Variants in PARD3B observed in about 807,000 individuals in gnomAD.
PARD3B encodes the protein partitioning defective 3 homolog B.
PARD3B carries 103 observed loss-of-function variants against 130.2 expected under a neutral mutation model. The observed-to-expected ratio is 0.79, with a 90% confidence interval of 0.67 to 0.93. PARD3B has a LOEUF of 0.93. Ranked by LOEUF, PARD3B falls within the 40% of genes least tolerant of loss-of-function variation. The probability of loss-of-function intolerance (pLI) is 0.00; values close to 1 mark genes in which losing one functional copy is unlikely to be tolerated. For synonymous variants in PARD3B, 583 were observed against 553.2 expected, an observed-to-expected ratio of 1.05 and a Z score of -0.76; for missense variants, 1,609 against 1,499.2, an observed-to-expected ratio of 1.07 and a Z score of -1.21.
In PARD3B at chr2:204,649,663, G is replaced by GA. The variant is rs545213640; in HGVS notation, c.121-36512dup. On this transcript the variant is annotated intron_variant, in intron 1 of 22. Coordinates refer to ENST00000406610, the MANE Select transcript of PARD3B (RefSeq NM_001302769.2). ...AAAGCTGACAAAAACAAGCAATGGG[G>GA]AAAAAACTCCCTATTCAATAAATGC... Among the ~76,000 whole-genome samples the GA allele has an allele frequency of 8.5e-5, 13 of 152,124 alleles. No individual in the cohort carries two copies. In the South Asian group the frequency reaches 2.1e-3, roughly 24 times the overall value.
At chr2:205,374,026 G>A (rs898184556) in intron 18 of PARD3B, among the ~76,000 whole-genome samples, 1 of 152,056 alleles carries the variant, frequency 6.6e-6, no homozygotes, top group Admixed American at 6.6e-5. Flanking sequence ...ACTGTCAGTA[G>A]CGATCATGAG....
At chr2:205,555,773 G>A (rs2052854802) in intron 22 of PARD3B, among the ~76,000 whole-genome samples, 1 of 152,232 alleles carries the variant, frequency 6.6e-6, no homozygotes, top group African/African-American at 2.4e-5. Flanking sequence ...AGCCATGGTG[G>A]AGAATAAATA....
At chr2:204,936,851 C>A (rs1187877707) in intron 2 of PARD3B, among the ~76,000 whole-genome samples, 1 of 152,170 alleles carries the variant, frequency 6.6e-6, no homozygotes, top group African/African-American at 2.4e-5. Flanking sequence ...GAAACCGATG[C>A]AGCAACTGGT....
chr2:205,541,066 T>TAC (rs2052104096), intron 21 of PARD3B, among the ~76,000 whole-genome samples: 1 of 150,070 alleles, frequency 6.7e-6, no homozygotes, highest in South Asian at 2.1e-4. Context: ...ATGCTATATA[T>TAC]ACATGTAATC....
chr2:205,341,201 T>G lies in PARD3B; in HGVS notation c.2630+39500T>G, dbSNP rs1243957405. ...CAGTATAGTGGTTTAAAATCTATAT[T>G]AAAATTAGGACTGCCATGCAATCCA... On this transcript the variant is annotated intron_variant, in intron 18 of 22. Transcript: ENST00000406610. This position sits in a 1 kb window ranked among gnomAD's most constrained non-coding sequence, Gnocchi z 4.3. Among the ~76,000 whole-genome samples the G allele has an allele frequency of 2.6e-5, 4 of 152,120 alleles. No individual in the cohort carries two copies. Among genetic ancestry groups the G allele is most frequent in the Admixed American group, 2.6e-4 (4 of 15,270 alleles).
rs1447535031 is a variant in PARD3B at position 204,773,824 on chromosome 2, G to A, written c.222+87542G>A. On this transcript the variant is annotated intron_variant, in intron 2 of 22. Transcript: ENST00000406610. ...TTCCACGTACCCCGCTCTCATCCCA[G>A]TTAGAATGACCCTTTAGAATGTATA... Among the ~76,000 whole-genome samples, 3 of 151,948 alleles carry A rather than the reference G, an allele frequency of 2.0e-5. No individual in the cohort carries two copies. The East Asian group carries it at 5.8e-4, about 29-fold the overall frequency.
chr2:205,192,182 A>G (rs2036434059), intron 14 of PARD3B, among the ~76,000 whole-genome samples: 1 of 152,168 alleles, frequency 6.6e-6, no homozygotes, highest in African/African-American at 2.4e-5. Flanking sequence ...TTATTTTGGT[A>G]TTTCAGGTCG....
intron 2 of PARD3B, among the ~76,000 whole-genome samples, chr2:204,843,759 G>C (rs1490776941): frequency 3.3e-5 from 5 of 152,102 alleles, no homozygotes; most frequent in East Asian, 3.9e-4. Context: ...TGTCTGTTTA[G>C]ATCTAAAGGT....
In PARD3B at chr2:205,122,826, A is replaced by C. The variant is rs1162517427; in HGVS notation, c.1165+877A>C. Among the ~76,000 whole-genome samples, 1 of 152,226 alleles carries C rather than the reference A, an allele frequency of 6.6e-6. No individual in the cohort carries two copies. Among genetic ancestry groups the C allele is most frequent in the Non-Finnish European group, 1.5e-5 (1 of 68,026 alleles). On this transcript the variant is annotated intron_variant, in intron 8 of 22. Transcript: ENST00000406610. This position sits in a 1 kb window ranked among gnomAD's most constrained non-coding sequence, Gnocchi z 4.3. ...ATTCTGGAAAGATTCTCTGATCAAA[A>C]TTTCATTCACCTATAAGAATTCTAT...
At chr2:205,192,077 T>C (rs1278499984) in intron 14 of PARD3B, among the ~76,000 whole-genome samples, 1 of 152,202 alleles carries the variant, frequency 6.6e-6, no homozygotes, top group Admixed American at 6.5e-5. Context: ...CATTTATTCA[T>C]TTGGCAATAC....
At chr2:205,571,541 C>T (rs2053561569) in intron 22 of PARD3B, among the ~76,000 whole-genome samples, 1 of 152,170 alleles carries the variant, frequency 6.6e-6, no homozygotes. Context: ...GAAAATATCT[C>T]AAAGAATCAA....
intron 2 of PARD3B, among the ~76,000 whole-genome samples, chr2:204,939,754 G>A (rs1188063239): frequency 6.6e-6 from 1 of 152,148 alleles, no homozygotes; most frequent in Non-Finnish European, 1.5e-5. Flanking sequence ...ACAGGGCCTT[G>A]TAGCTTTTTG....
intron 1 of PARD3B, among the ~76,000 whole-genome samples, chr2:204,636,734 T>C (rs959709611): frequency 1.3e-5 from 2 of 151,964 alleles, no homozygotes; most frequent in Admixed American, 6.6e-5. Context: ...GCTTTTTTTA[T>C]ACTTAGGCTT....
intron 18 of PARD3B, among the ~76,000 whole-genome samples, chr2:205,377,991 G>A (rs1266956738): frequency 2.6e-5 from 4 of 151,996 alleles, no homozygotes; most frequent in African/African-American, 4.8e-5. Flanking sequence ...GGCTAGTCTT[G>A]AACTCCTGAC....
intron 18 of PARD3B, among the ~76,000 whole-genome samples, chr2:205,377,979 C>T (rs2105925376): frequency 6.6e-6 from 1 of 152,172 alleles, no homozygotes; most frequent in African/African-American, 2.4e-5. Context: ...CCATGTTAGC[C>T]AGGCTAGTCT....
intron 3 of PARD3B, among the ~76,000 whole-genome samples, chr2:204,996,925 C>A (rs1048722449): frequency 6.6e-6 from 1 of 151,864 alleles, no homozygotes; most frequent in African/African-American, 2.4e-5. Flanking sequence ...GGCAATGCCT[C>A]GCCCTGCTTC....
At chr2:204,911,774 T>C (rs1363652636) in intron 2 of PARD3B, among the ~76,000 whole-genome samples, 1 of 152,218 alleles carries the variant, frequency 6.6e-6, no homozygotes, top group Admixed American at 6.5e-5. Context: ...AATAGAACAT[T>C]TCATGTAACG....
chr2:204,965,245 A>G lies in PARD3B; in HGVS notation c.316A>G (p.Thr106Ala), dbSNP rs752218272. Residue 106 changes from threonine (T) to alanine (A), a missense_variant, in exon 3 of 23, where the codon ACA becomes GCA. Thr to Ala is a moderately conservative substitution (Grantham distance 58). Coordinates refer to ENST00000406610, the MANE Select transcript of PARD3B (RefSeq NM_001302769.2). ...ADRQSPDAFETEVAAQLAAFK... is the reference protein window; with the variant it reads ...ADRQSPDAFEAEVAAQLAAFK... ...TCGGCAGAGCCCAGATGCTTTTGAG[A>G]CAGAAGTGGCCGCCCAACTGGCCGC... 1 of 1,613,908 alleles carries G rather than the reference A, an allele frequency of 6.2e-7. No homozygotes were observed. Among genetic ancestry groups the G allele is most frequent in the East Asian group, 2.2e-5 (1 of 44,868 alleles).
At chr2:205,376,115 AG>A (rs1181246950) in intron 18 of PARD3B, among the ~76,000 whole-genome samples, 29 of 152,296 alleles carry the variant, frequency 1.9e-4, no homozygotes, top group Non-Finnish European at 1.2e-4. Context: ...ACTTTACCGT[AG>A]ATTATCCCAT....
Sources: allele counts gnomAD v4.1 joint callset (sites outside exome capture counted in the v4.1 genomes callset), GRCh38; gene constraint gnomAD v4.1.1; non-coding constraint Gnocchi (gnomAD v3.1); transcripts MANE v1.5; gene names NCBI Gene and HGNC (gene_info 2026-07-23, HGNC 2026-07-21).